Variants in DCDC1 observed in about 807,000 individuals in gnomAD.
The protein encoded by DCDC1 is doublecortin domain containing 1.
Under a neutral mutation model 178.3 loss-of-function variants are expected in DCDC1, and 200 were observed. The ratio of observed to expected loss-of-function variants is 1.12; its 90% CI spans 1.00 to 1.26. The LOEUF is 1.26. Among genes scored for constraint, DCDC1 ranks in the 50% most tolerant of loss-of-function variants. The pLI, the probability that DCDC1 is intolerant of heterozygous loss-of-function variation, is 0.00. For synonymous variants in DCDC1, 690 were observed against 604.8 expected (o/e 1.14, Z -2.07); for missense variants, 1,983 against 1,749.2 (o/e 1.13, Z -2.38).
At chr11:31,107,904 A>G (rs1958956614) in intron 12 of DCDC1, among the ~76,000 whole-genome samples, 1 of 152,008 alleles carries the variant, frequency 6.6e-6, no homozygotes, top group South Asian at 2.1e-4. Context: ...CCCTGCAGGG[A>G]TGTAGATATA....
intron 9 of DCDC1, among the ~76,000 whole-genome samples, chr11:31,239,200 C>T (rs1976812564): frequency 6.6e-6 from 1 of 151,944 alleles, no homozygotes; most frequent in Admixed American, 6.6e-5. Flanking sequence ...CTCCATTTCA[C>T]CTATCTAAAG....
intron 20 of DCDC1, among the ~76,000 whole-genome samples, chr11:30,972,082 C>G (rs1590612249): frequency 6.6e-6 from 1 of 152,208 alleles, no homozygotes; most frequent in African/African-American, 2.4e-5. Flanking sequence ...ATAACTGAAA[C>G]CTTTCCAAGT....
chr11:31,250,421 C>CACACAT (rs1555146241), intron 8 of DCDC1, among the ~76,000 whole-genome samples: 1 of 52,868 alleles, frequency 1.9e-5, no homozygotes, highest in South Asian at 8.7e-4. Flanking sequence ...CACACATATA[C>CACACAT]ATATATATGT....
chr11:30,993,022 A>T (rs1034829001), intron 20 of DCDC1, among the ~76,000 whole-genome samples: 6 of 152,108 alleles, frequency 3.9e-5, no homozygotes, highest in African/African-American at 1.4e-4. Context: ...ATTAGGCTTA[A>T]CTTTCCTAAA....
chr11:31,165,321 T>C (rs1018028451), intron 9 of DCDC1, among the ~76,000 whole-genome samples: 6 of 152,340 alleles, frequency 3.9e-5, no homozygotes, highest in Middle Eastern at 3.4e-3. Context: ...ACTTTTTATA[T>C]GTTTGAAAGC....
intron 9 of DCDC1, among the ~76,000 whole-genome samples, chr11:31,185,967 T>C (rs1472966082): frequency 6.6e-6 from 1 of 152,186 alleles, no homozygotes; most frequent in East Asian, 1.9e-4. Context: ...GGTGCTAATA[T>C]GCCCTTCATT....
chr11:30,999,691 C>T (rs559600007), intron 20 of DCDC1, among the ~76,000 whole-genome samples: 9 of 151,974 alleles, frequency 5.9e-5, no homozygotes, highest in African/African-American at 1.9e-4. Flanking sequence ...TTGGACAATG[C>T]GACTCTTACA....
chr11:31,213,501 C>G (rs1416597368), intron 9 of DCDC1, among the ~76,000 whole-genome samples: 1 of 151,950 alleles, frequency 6.6e-6, no homozygotes, highest in African/African-American at 2.4e-5. Context: ...ATGGGCGAAT[C>G]ACAAGGTCAG....
chr11:31,286,110 G>C (rs191728986), intron 7 of DCDC1, among the ~76,000 whole-genome samples: 2 of 152,110 alleles, frequency 1.3e-5, no homozygotes, highest in Admixed American at 6.6e-5. Flanking sequence ...TCAAACTTTA[G>C]AGTGGCTGGG....
rs193028445 is a variant in DCDC1, at chr11:31,099,490, T to G, written c.1983+2687A>C. 1.8e-4 allele frequency among the ~76,000 whole-genome samples: 27 copies of G among 152,316 alleles called. No homozygotes were observed. In the East Asian group the frequency reaches 4.6e-3, roughly 26 times the overall value. On this transcript the variant is annotated intron_variant, in intron 15 of 38. Coordinates refer to ENST00000684477, the MANE Select transcript of DCDC1 (RefSeq NM_001387274.1). Reference sequence around the variant, plus strand: ...ATAGAGCCTACCATTCTCCCCCATCTACGCTGATGTAGCCTGAAATATGCT... The same window carrying G: ...ATAGAGCCTACCATTCTCCCCCATCGACGCTGATGTAGCCTGAAATATGCT...
chr11:31,312,025 T>C (rs2137663231), intron 3 of DCDC1, among the ~76,000 whole-genome samples: 1 of 152,126 alleles, frequency 6.6e-6, no homozygotes, highest in African/African-American at 2.4e-5. Flanking sequence ...ATAGGGATGA[T>C]GAAAAGAGAC....
chr11:30,984,427 G>T (rs898448528), intron 20 of DCDC1, among the ~76,000 whole-genome samples: 1 of 152,164 alleles, frequency 6.6e-6, no homozygotes, highest in African/African-American at 2.4e-5. Context: ...ACTGATTTTA[G>T]TTTGGTAAGC....
chr11:31,185,057 C>T (rs540726111), intron 9 of DCDC1, among the ~76,000 whole-genome samples: 1 of 152,202 alleles, frequency 6.6e-6, no homozygotes, highest in Non-Finnish European at 1.5e-5. Context: ...GGCACATATA[C>T]ACTATGGAAT....
At position 31,032,529 on chromosome 11, in the gene DCDC1, T is replaced by C. The variant is rs185023421; in HGVS notation, c.2591+31940A>G. Among the ~76,000 whole-genome samples the C allele has an allele frequency of 4.6e-5, 7 of 151,964 alleles. No homozygotes were observed. In the East Asian group the frequency reaches 1.4e-3, roughly 29 times the overall value. On this transcript the variant is annotated intron_variant, in intron 20 of 38. Transcript: ENST00000684477. The stretch of plus-strand genomic sequence containing the variant: ...CAGATACATAATTGTATTATACAAT[T>C]ATGATACATACATACATATGCCTCA...
intron 9 of DCDC1, among the ~76,000 whole-genome samples, chr11:31,208,405 C>T (rs1591406129): frequency 6.6e-6 from 1 of 152,266 alleles, no homozygotes; most frequent in East Asian, 1.9e-4. Flanking sequence ...TATCCTGAGT[C>T]TTATAATTCC....
chr11:31,127,180 T>A (rs1961759226), intron 11 of DCDC1, among the ~76,000 whole-genome samples: 2 of 152,200 alleles, frequency 1.3e-5, no homozygotes, highest in South Asian at 4.1e-4. Context: ...AAAAATTTGT[T>A]TCTTGGAAAA....
intron 1 of DCDC1, among the ~76,000 whole-genome samples, chr11:31,353,522 A>G (rs1014840235): frequency 2.0e-5 from 3 of 152,208 alleles, no homozygotes; most frequent in Non-Finnish European, 4.4e-5. Context: ...GACAATGCCT[A>G]AATATGTGGC....
At chr11:31,255,122 A>T (rs1367469924) in intron 8 of DCDC1, among the ~76,000 whole-genome samples, 2 of 152,176 alleles carry the variant, frequency 1.3e-5, no homozygotes, top group African/African-American at 4.8e-5. Flanking sequence ...TCAGCATTTC[A>T]TTCCTTTTCA....
intron 36 of DCDC1, among the ~76,000 whole-genome samples, chr11:30,888,052 AAGAAAGAAAGAG>A (rs1943350152): frequency 3.5e-5 from 3 of 86,008 alleles, no homozygotes; most frequent in African/African-American, 1.5e-4. Flanking sequence ...GAAAGAAAGA[AAGAAAGAAAGAG>A]AGAGAGAGAG....
Sources: allele counts gnomAD v4.1 joint callset (sites outside exome capture counted in the v4.1 genomes callset), GRCh38; gene constraint gnomAD v4.1.1; transcripts MANE v1.5; gene names NCBI Gene and HGNC (gene_info 2026-07-23, HGNC 2026-07-21).